Variants in FDXR observed in about 807,000 individuals in gnomAD.
FDXR encodes the protein ferredoxin reductase, also known as NADPH:adrenodoxin oxidoreductase, mitochondrial.
FDXR carries 38 observed loss-of-function variants against 58.3 expected under a neutral mutation model. The ratio of observed to expected loss-of-function variants is 0.65; its 90% CI spans 0.50 to 0.85. FDXR has a LOEUF of 0.85. Ranked by LOEUF, FDXR falls within the 40% of genes least tolerant of loss-of-function variation. FDXR has a pLI of 0.00. For synonymous variants in FDXR, 275 were observed against 273.8 expected (o/e 1.00, Z -0.04); for missense variants, 624 against 671.0 (o/e 0.93, Z 0.77).
chr17:74,869,874 C>T, intron 2 of FDXR: 1 of 428,226 alleles, frequency 2.3e-6, no homozygotes, highest in South Asian at 1.6e-5. Flanking sequence ...ATGGAGCTGC[C>T]TTCGCTCAGA....
Position 74,864,238 on chromosome 17 carries a change from G to A in FDXR, c.912C>T (p.Gly304=), listed in dbSNP as rs1291939827. The change falls in exon 9 of 12, where the codon GGC becomes GGT. Residue 304 remains glycine, a synonymous_variant. Transcript: ENST00000293195. ...GCTGGGGGCTTCGGAAAAAGCGGAG[G>A]CCCCAGGCACGGGAGGCCGATGCCT... The part of the protein sequence containing the change: ...ARQASASRAW[G]LRFFRSPQQV... 3 of 1,606,366 alleles carry A rather than the reference G, an allele frequency of 1.9e-6. No homozygotes were observed. The highest frequency in any genetic ancestry group is 1.7e-6 in the Non-Finnish European group (2 of 1,174,914).
chr17:74,863,016 T>G (rs2144641129), intron 11 of FDXR, 60 bp downstream of exon 11: 1 of 1,601,504 alleles, frequency 6.2e-7, no homozygotes, highest in Non-Finnish European at 8.5e-7. Context: ...TCCCAAAGAG[T>G]GAGGCCCAGA....
At chr17:74,867,931 T>C (rs577611534) in intron 2 of FDXR, among the ~76,000 whole-genome samples, 17 of 152,176 alleles carry the variant, frequency 1.1e-4, no homozygotes, top group African/African-American at 3.6e-4. Flanking sequence ...CGGTTAGCAG[T>C]AAAGCAGTCA....
At chr17:74,869,779 C>A (rs2038311100) in intron 2 of FDXR, among the ~76,000 whole-genome samples, 1 of 152,220 alleles carries the variant, frequency 6.6e-6, no homozygotes, top group African/African-American at 2.4e-5. Flanking sequence ...GTCCTGTTCA[C>A]CCCCATGTTC....
In FDXR at chr17:74,862,654, C is replaced by T; in HGVS notation, c.*163G>A. 1 of 1,012,700 alleles carries T rather than the reference C, an allele frequency of 9.9e-7. No individual in the cohort carries two copies. The highest frequency in any genetic ancestry group is 1.4e-6 in the Non-Finnish European group (1 of 715,750). The allele number at this position is 1,012,700 out of a possible 1,614,324, so 62.7% of individuals were successfully genotyped here. A position where few individuals can be genotyped will look rare whatever the true frequency, so the allele number is the denominator to read the frequency against. ...AAAGCTAAAACCTTGCGCGCAAGGG[C>T]GACCTTCCCCAGGAGGGAGGAGAGA... On this transcript the variant is annotated 3_prime_UTR_variant, in exon 12 of 12. Coordinates refer to ENST00000293195, the MANE Select transcript of FDXR (RefSeq NM_024417.5).
chr17:74,870,264 C>A (rs995543693), intron 2 of FDXR, among the ~76,000 whole-genome samples: 7 of 152,082 alleles, frequency 4.6e-5, no homozygotes, highest in African/African-American at 1.7e-4. Context: ...CGCCTGTAAT[C>A]CCAGGACTTT....
At chr17:74,868,893 G>A (rs1304322577) in intron 2 of FDXR, 4 of 711,684 alleles carry the variant, frequency 5.6e-6, no homozygotes, top group Admixed American at 3.1e-5. Context: ...CTCCAAACCT[G>A]AGACCCTTGG....
In FDXR at chr17:74,872,898, C is replaced by T; in HGVS notation, c.47G>A (p.Arg16Gln). Residue 16 changes from arginine to glutamine, a missense_variant, in exon 1 of 12, where the codon CGG becomes CAG. Transcript: ENST00000293195. Reference protein sequence around the residue: ...WRWWGWSAWPRTRLPPAGSTP... With the variant: ...WRWWGWSAWPQTRLPPAGSTP... ...GCTCCCGGCGGGAGGCAGCCGGGTCCGAGGCCACGCCGACCAGCCCCACCA... is the reference window on the plus strand; with the variant it reads ...GCTCCCGGCGGGAGGCAGCCGGGTCTGAGGCCACGCCGACCAGCCCCACCA... 6.4e-7 allele frequency: 1 copy of T among 1,552,598 alleles called. No homozygotes were observed. The highest frequency in any genetic ancestry group is 2.4e-5 in the East Asian group (1 of 41,492).
intron 2 of FDXR, 64 bp downstream of exon 2, chr17:74,871,972 G>A (rs549052067): frequency 5.1e-5 from 67 of 1,302,278 alleles, no homozygotes; most frequent in African/African-American, 3.7e-4. Flanking sequence ...AACCCAAAGC[G>A]GGTGAGGCTT....
At position 74,864,473 on chromosome 17, in the gene FDXR, C is replaced by T; in HGVS notation, c.802+7G>A. ...AGTAGTTGGGGGGCCAGGCCAGGGC[C>T]CCTCACCCTTGATCTTGTCCTGGAG... On this transcript the variant is annotated splice_region_variant and intron_variant, in intron 8 of 11. Coordinates refer to ENST00000293195, the MANE Select transcript of FDXR (RefSeq NM_024417.5). 6.2e-7 allele frequency: 1 copy of T among 1,613,710 alleles called. No individual in the cohort carries two copies. Among genetic ancestry groups the T allele is most frequent in the Non-Finnish European group, 8.5e-7 (1 of 1,179,650 alleles).
intron 6 of FDXR, among the ~76,000 whole-genome samples, chr17:74,865,373 C>G (rs1461874150): frequency 6.6e-6 from 1 of 151,876 alleles, no homozygotes; most frequent in African/African-American, 2.4e-5. Flanking sequence ...GGGGAGTGGA[C>G]CAATTCAGGG....
At position 74,864,043 on chromosome 17, in the gene FDXR, C is replaced by T. The variant is rs373985056; in HGVS notation, c.1027G>A (p.Val343Met). Residue 343 changes from valine to methionine, a missense_variant, in exon 10 of 12, where the codon GTG becomes ATG. Coordinates refer to ENST00000293195, the MANE Select transcript of FDXR (RefSeq NM_024417.5). ...AGGTCTTCCATGTCTCCCGTGGGCA[C>T]TGCACGGGTGGCCTCATCGACACCC... ...LEGVDEATRAVPTGDMEDLPC... is the reference protein window; with the variant it reads ...LEGVDEATRAMPTGDMEDLPC... The T allele has an allele frequency of 3.0e-4, 491 of 1,613,884 alleles. No homozygotes were observed. The highest frequency in any genetic ancestry group is 4.1e-4 in the Non-Finnish European group (484 of 1,180,040).
intron 2 of FDXR, among the ~76,000 whole-genome samples, chr17:74,871,235 C>T (rs1006488609): frequency 3.3e-5 from 5 of 152,226 alleles, no homozygotes; most frequent in East Asian, 3.8e-4. Context: ...TCAACTCATC[C>T]CAGTTTCCCA....
Position 74,872,696 on chromosome 17 carries a change from C to T in FDXR, c.79+170G>A, listed in dbSNP as rs956735107. 3 of 1,424,310 alleles carry T rather than the reference C, an allele frequency of 2.1e-6. No individual in the cohort carries two copies. The African/African-American group carries it at 4.3e-5, about 20-fold the overall frequency. The allele number at this position is 1,424,310 out of a possible 1,614,324, so 88.2% of individuals were successfully genotyped here. A position where few individuals can be genotyped will look rare whatever the true frequency, so the allele number is the denominator to read the frequency against. On this transcript the variant is annotated intron_variant, in intron 1 of 11. Coordinates refer to ENST00000293195, the MANE Select transcript of FDXR (RefSeq NM_024417.5). Reference sequence around the variant, plus strand: ...CTCTAACCCTAGAAGCCTCACATCTCACGCACAGATCTCCGCCCACCCCCG... The same window carrying T: ...CTCTAACCCTAGAAGCCTCACATCTTACGCACAGATCTCCGCCCACCCCCG...
intron 7 of FDXR, 54 bp downstream of exon 7, chr17:74,864,770 A>G: frequency 6.2e-7 from 1 of 1,611,132 alleles, no homozygotes; most frequent in Non-Finnish European, 8.5e-7. Flanking sequence ...CAACCCCTTA[A>G]GGAGAGGCCC....
At chr17:74,868,639 C>A in intron 2 of FDXR, 1 of 1,535,690 alleles carries the variant, frequency 6.5e-7, no homozygotes, top group Non-Finnish European at 8.7e-7. Context: ...GCTAAGTCTG[C>A]CGGATGTTCT....
At chr17:74,866,014 C>G in intron 5 of FDXR, 117 bp downstream of exon 5, 1 of 935,624 alleles carries the variant, frequency 1.1e-6, no homozygotes, top group Non-Finnish European at 1.7e-6. Context: ...CCTCCCGCCT[C>G]AGTCAGCACA....
rs760030067 is a variant in FDXR at position 74,864,225 on chromosome 17, G to A, written c.925C>T (p.Arg309Ter). ...ASRAWGLRFF[R>*]SPQQVLPSPD... ...GAGGGCAGCACCTGCTGGGGGCTTC[G>A]GAAAAAGCGGAGGCCCCAGGCACGG... Residue 309 changes from arginine to a stop codon, truncating the protein, a stop_gained, in exon 9 of 12, where the codon CGA becomes TGA. Transcript: ENST00000293195. LOFTEE classifies it high-confidence loss of function. 2.1e-5 allele frequency: 34 copies of A among 1,608,248 alleles called. No individual in the cohort carries two copies. In the South Asian group the frequency reaches 2.2e-4, roughly 10 times the overall value.
Position 74,866,500 on chromosome 17 carries a change from C to T in FDXR, c.339G>A (p.Val113=). The T allele has an allele frequency of 2.5e-6, 4 of 1,613,828 alleles. No individual in the cohort carries two copies. Among genetic ancestry groups the T allele is most frequent in the Non-Finnish European group, 2.5e-6 (3 of 1,180,014 alleles). Residue 113 remains valine (V), a synonymous_variant, in exon 4 of 12, where the codon GTG becomes GTA. Transcript: ENST00000293195. ...GCTCCGGCACCGTCACGTCCCTGCCCACCTCCACGTTGCCCCAGAAGGCAC... is the reference window on the plus strand; with the variant it reads ...GCTCCGGCACCGTCACGTCCCTGCCTACCTCCACGTTGCCCCAGAAGGCAC... ...GRCAFWGNVE[V]GRDVTVPELQ... is the part of the protein sequence containing the mutation.
Sources: gnomAD v4.1 joint callset for allele counts (sites outside exome capture counted in the v4.1 genomes callset) on GRCh38, gnomAD v4.1.1 for gene constraint, MANE v1.5 for transcripts, NCBI Gene and HGNC (gene_info 2026-07-23, HGNC 2026-07-21) for gene names.